The following RAP1GAP variants were observed in gnomAD, a reference collection of about 807,000 sequenced individuals.
RAP1GAP encodes the protein RAP1 GTPase activating protein.
In RAP1GAP, 35 loss-of-function variants were observed where a neutral mutation model predicts 87.2. The ratio of observed to expected loss-of-function variants is 0.40; its 90% CI spans 0.31 to 0.53. The LOEUF (loss-of-function observed/expected upper bound fraction) is 0.53. Ranked by LOEUF, RAP1GAP falls within the 20% of genes least tolerant of loss-of-function variation. RAP1GAP has a pLI of 0.48. For missense variants in RAP1GAP, 734 were observed against 898.9 expected, an observed-to-expected ratio of 0.82 and a Z score of 2.35; for synonymous variants, 375 against 363.9, an observed-to-expected ratio of 1.03 and a Z score of -0.35.
chr1:21,608,734 G>A lies in RAP1GAP; in HGVS notation c.1158+116C>T. 2 of 1,013,664 alleles carry A rather than the reference G, an allele frequency of 2.0e-6. 1 individual carries two copies. Among genetic ancestry groups the A allele is most frequent in the Non-Finnish European group, 3.1e-6 (2 of 655,608 alleles). 62.8% of individuals were successfully genotyped at this position (1,013,664 alleles called of 1,614,324 possible). On this transcript the variant is annotated intron_variant, in intron 16 of 24. Transcript: ENST00000374765. ...TCGTCCATCAATCCATCCAGCCCCA[G>A]GTGTCCCCGCTAAGGCCAAGGTCTG...
chr1:21,598,021 G>T lies in RAP1GAP; in HGVS notation c.1923C>A (p.Asp641Glu), dbSNP rs759203808. The change falls in exon 23 of 25, where the codon GAC becomes GAA. Residue 641 changes from aspartate to glutamate, a missense_variant. Physicochemically the swap from Asp to Glu is conservative, Grantham distance 45. Around this residue, in one of 2 missense-constraint regions of RAP1GAP, gnomAD observed 249 missense variants for 252.7 expected, o/e 0.99. Transcript: ENST00000374765. ...GGATCTTGATCTCGGGACACGCAGGGTCCCCCAACTTGCCGGCGTCTGGGT... is the reference window on the plus strand; with the variant it reads ...GGATCTTGATCTCGGGACACGCAGGTTCCCCCAACTTGCCGGCGTCTGGGT... ...SPHPDAGKLG[D>E]PACPEIKIQL... The T allele has an allele frequency of 1.3e-6, 2 of 1,583,576 alleles. No individual in the cohort carries two copies. Among genetic ancestry groups the T allele is most frequent in the South Asian group, 1.1e-5 (1 of 86,974 alleles).
chr1:21,608,939 G>A lies in RAP1GAP; in HGVS notation c.1072-3C>T, dbSNP rs1248328521. 1 of 1,610,484 alleles carries A rather than the reference G, an allele frequency of 6.2e-7. No individual in the cohort carries two copies. Among genetic ancestry groups the A allele is most frequent in the African/African-American group, 1.3e-5 (1 of 74,842 alleles). ...AAAAATTCCTGGAACTCAGGCCCCT[G>A]GAAACTCCCAGTGTGGAGGAGATAA... On this transcript the variant is annotated splice_polypyrimidine_tract_variant and splice_region_variant and intron_variant, in intron 15 of 24. Coordinates refer to ENST00000374765, the MANE Select transcript of RAP1GAP (RefSeq NM_002885.4).
intron 19 of RAP1GAP, among the ~76,000 whole-genome samples, chr1:21,602,249 G>T (rs1363812733): frequency 6.6e-6 from 1 of 152,230 alleles, no homozygotes; most frequent in Non-Finnish European, 1.5e-5. Context: ...CCATGCCATG[G>T]GTTGTGTTCT....
chr1:21,648,749 C>T (rs1183228474), intron 2 of RAP1GAP, among the ~76,000 whole-genome samples: 2 of 152,170 alleles, frequency 1.3e-5, no homozygotes, highest in African/African-American at 2.4e-5. Flanking sequence ...CTCAAATGGA[C>T]TAGGCACAGC....
In RAP1GAP at chr1:21,613,510, G is replaced by A. The variant is rs2079800376; in HGVS notation, c.474+118C>T. On this transcript the variant is annotated intron_variant, in intron 9 of 24. Transcript: ENST00000374765. This position sits in a 1 kb window ranked among gnomAD's most constrained non-coding sequence, Gnocchi z 4.7. ...ACAAGTGAGAGACAGCCTCAGGATA[G>A]GGCGGCAGGCCAGGGCTAGGGCCTA... 2 of 980,452 alleles carry A rather than the reference G, an allele frequency of 2.0e-6. No individual in the cohort carries two copies. The highest frequency in any genetic ancestry group is 1.6e-5 in the African/African-American group (1 of 62,798). 60.7% of individuals were successfully genotyped at this position (980,452 alleles called of 1,614,324 possible). A position where few individuals can be genotyped will look rare whatever the true frequency, so the allele number is the denominator to read the frequency against.
intron 7 of RAP1GAP, among the ~76,000 whole-genome samples, chr1:21,616,515 C>T (rs1408372178): frequency 6.6e-6 from 1 of 152,214 alleles, no homozygotes; most frequent in East Asian, 1.9e-4. Context: ...AATGGAAGAG[C>T]CAAGATTCCC....
chr1:21,605,531 C>T (rs1490628152), intron 18 of RAP1GAP, among the ~76,000 whole-genome samples: 1 of 152,106 alleles, frequency 6.6e-6, no homozygotes, highest in Non-Finnish European at 1.5e-5. Flanking sequence ...GATGCCCACA[C>T]AGCAGCCCAG....
At chr1:21,641,065 G>A (rs1571193370) in intron 2 of RAP1GAP, among the ~76,000 whole-genome samples, 2 of 133,660 alleles carry the variant, frequency 1.5e-5, no homozygotes, top group South Asian at 2.5e-4. Flanking sequence ...GCACCACTAC[G>A]CCCAGCTAAT....
chr1:21,655,849 G>A lies in RAP1GAP; in HGVS notation c.-148-6053C>T, dbSNP rs565279767. Among the ~76,000 whole-genome samples, 3 of 152,324 alleles carry A rather than the reference G, an allele frequency of 2.0e-5. No individual in the cohort carries two copies. The East Asian group carries it at 5.8e-4, about 29-fold the overall frequency. ...ACCTACCTCCAGCTCCCCCTTTCCA[G>A]GGAGATGGAAGGGGAGAGGGAGGAG... On this transcript the variant is annotated intron_variant, in intron 1 of 24. Coordinates refer to ENST00000374765, the MANE Select transcript of RAP1GAP (RefSeq NM_002885.4).
intron 2 of RAP1GAP, among the ~76,000 whole-genome samples, chr1:21,638,456 C>CAA (rs34567376): frequency 0.046 from 5,874 of 128,122 alleles, 229 homozygotes; most frequent in African/African-American, 0.11. Flanking sequence ...GACTCTGTCT[C>CAA]AAAAAAAAAA....
intron 2 of RAP1GAP, among the ~76,000 whole-genome samples, chr1:21,642,216 G>A (rs1239426310): frequency 6.6e-6 from 1 of 152,168 alleles, no homozygotes; most frequent in Non-Finnish European, 1.5e-5. Context: ...CCCCTGGCAG[G>A]CAGCAAGCTT....
intron 13 of RAP1GAP, 147 bp from the exon 14 acceptor site, chr1:21,610,422 T>C (rs1293071090): frequency 1.2e-6 from 1 of 844,136 alleles, no homozygotes; most frequent in Non-Finnish European, 1.8e-6. Context: ...CAAAAAAACT[T>C]GTCTTAAAAC....
intron 20 of RAP1GAP, among the ~76,000 whole-genome samples, chr1:21,600,264 C>G (rs2067056322): frequency 6.6e-6 from 1 of 152,232 alleles, no homozygotes; most frequent in Non-Finnish European, 1.5e-5. Context: ...AGGAGTCCTT[C>G]CCTGATTCCT....
intron 2 of RAP1GAP, among the ~76,000 whole-genome samples, chr1:21,628,161 G>A (rs2092811350): frequency 6.6e-6 from 1 of 152,260 alleles, no homozygotes; most frequent in Admixed American, 6.5e-5. Flanking sequence ...GTGAGCAAAG[G>A]AACATCCCTA....
chr1:21,628,277 G>A (rs192399138), intron 2 of RAP1GAP, among the ~76,000 whole-genome samples: 1 of 152,158 alleles, frequency 6.6e-6, no homozygotes, highest in East Asian at 1.9e-4. Flanking sequence ...GGCAGGCTGG[G>A]CGTGATGGCT....
chr1:21,624,099 C>T (rs1036877349), intron 3 of RAP1GAP, among the ~76,000 whole-genome samples: 1 of 152,140 alleles, frequency 6.6e-6, no homozygotes, highest in African/African-American at 2.4e-5. Flanking sequence ...GTGTCTGTGA[C>T]TCTGTCCCCA....
intron 2 of RAP1GAP, among the ~76,000 whole-genome samples, chr1:21,632,922 A>T (rs993043625): frequency 6.6e-6 from 1 of 152,102 alleles, no homozygotes; most frequent in Non-Finnish European, 1.5e-5. Context: ...AGACCAACAA[A>T]ACATCAGGGT....
intron 17 of RAP1GAP, among the ~76,000 whole-genome samples, chr1:21,607,355 G>A (rs1248253435): frequency 6.6e-6 from 1 of 152,190 alleles, no homozygotes; most frequent in Non-Finnish European, 1.5e-5. Flanking sequence ...AACAATAACT[G>A]TATGAGGCAA....
At chr1:21,643,623 C>G (rs903797196) in intron 2 of RAP1GAP, among the ~76,000 whole-genome samples, 1 of 152,080 alleles carries the variant, frequency 6.6e-6, no homozygotes, top group African/African-American at 2.4e-5. Context: ...TACTCACCCC[C>G]TGTGGCCACG....
Sources: gnomAD v4.1 joint callset for allele counts (sites outside exome capture counted in the v4.1 genomes callset) on GRCh38, gnomAD v4.1.1 for gene constraint, gnomAD v4.1.1 regional missense constraint, Gnocchi (gnomAD v3.1) non-coding constraint, MANE v1.5 for transcripts, NCBI Gene and HGNC (gene_info 2026-07-23, HGNC 2026-07-21) for gene names.